Variants in GPM6A observed in about 807,000 individuals in gnomAD.
GPM6A encodes the protein glycoprotein M6A.
In GPM6A, 7 loss-of-function variants were observed where a neutral mutation model predicts 32.1. The observed-to-expected ratio is 0.22, with a 90% CI of 0.12 to 0.41. GPM6A has a LOEUF of 0.41. GPM6A is among the 10% of genes least tolerant of loss of function. The pLI is 1.00. For synonymous variants in GPM6A, 130 were observed against 123.4 expected (o/e 1.05, Z -0.35); for missense variants, 235 against 347.2 (o/e 0.68, Z 2.57).
chr4:175,966,769 G>A (rs952590992), intron 1 of GPM6A, among the ~76,000 whole-genome samples: 10 of 152,030 alleles, frequency 6.6e-5, no homozygotes, highest in African/African-American at 2.4e-4. Flanking sequence ...TTGTGTAGTA[G>A]CCTGAACTGA....
At chr4:175,974,700 T>G (rs1334663606) in intron 1 of GPM6A, among the ~76,000 whole-genome samples, 1 of 151,410 alleles carries the variant, frequency 6.6e-6, no homozygotes, top group African/African-American at 2.4e-5. Context: ...ATTTTATTTT[T>G]GAGACAGGAT....
intron 1 of GPM6A, among the ~76,000 whole-genome samples, chr4:175,947,136 T>C (rs1316086834): frequency 6.6e-6 from 1 of 152,102 alleles, no homozygotes; most frequent in Admixed American, 6.5e-5. Context: ...CTTTCTAATT[T>C]TCAGAAACTG....
chr4:175,829,559 G>A (rs60456898), intron 1 of GPM6A, among the ~76,000 whole-genome samples: 9,575 of 150,484 alleles, frequency 0.064, 988 homozygotes, highest in African/African-American at 0.22. Context: ...AGAGCTGTCC[G>A]CTGGGGGTTT....
At chr4:175,834,407 G>A (rs953040665) in intron 1 of GPM6A, among the ~76,000 whole-genome samples, 1 of 152,250 alleles carries the variant, frequency 6.6e-6, no homozygotes, top group South Asian at 2.1e-4. Flanking sequence ...GTGAAAAAGA[G>A]TGCAGAATTT....
At chr4:175,659,853 A>C (rs1377147329) in intron 3 of GPM6A, among the ~76,000 whole-genome samples, 1 of 152,210 alleles carries the variant, frequency 6.6e-6, no homozygotes, top group Non-Finnish European at 1.5e-5. Context: ...AATAGTGTGA[A>C]TGTAAGGTTT....
At chr4:175,878,651 C>T (rs752325623) in intron 1 of GPM6A, among the ~76,000 whole-genome samples, 51 of 152,008 alleles carry the variant, frequency 3.4e-4, no homozygotes, top group Non-Finnish European at 4.3e-4. Context: ...CCTCATAGGC[C>T]TCTGGGCCTA....
chr4:175,705,218 C>T (rs902290059), intron 1 of GPM6A, among the ~76,000 whole-genome samples: 5 of 152,288 alleles, frequency 3.3e-5, no homozygotes, highest in African/African-American at 7.2e-5. Flanking sequence ...TCTGAGATAA[C>T]GTGCATTTCC....
intron 1 of GPM6A, among the ~76,000 whole-genome samples, chr4:175,938,068 AT>A (rs1240553367): frequency 6.6e-6 from 1 of 152,130 alleles, no homozygotes; most frequent in East Asian, 1.9e-4. Flanking sequence ...CACTCTCAAT[AT>A]TTTTTAGATA....
intron 1 of GPM6A, among the ~76,000 whole-genome samples, chr4:175,793,357 T>G (rs544492690): frequency 2.3e-3 from 234 of 101,548 alleles, no homozygotes; most frequent in African/African-American, 8.7e-3. Flanking sequence ...ATGTATTCTA[T>G]TCTATTCTAT....
At chr4:175,875,469 T>G (rs533912539) in intron 1 of GPM6A, among the ~76,000 whole-genome samples, 30 of 152,326 alleles carry the variant, frequency 2.0e-4, no homozygotes, top group African/African-American at 7.2e-4. Flanking sequence ...TTTGAGGTGA[T>G]AAAGAATCAC....
intron 1 of GPM6A, among the ~76,000 whole-genome samples, chr4:175,887,076 G>T (rs1042508502): frequency 6.6e-6 from 1 of 151,826 alleles, no homozygotes; most frequent in Non-Finnish European, 1.5e-5. Context: ...AAGACAAAAA[G>T]TTTATCCAAT....
At chr4:175,811,415 A>G (rs1734914257) in intron 1 of GPM6A, among the ~76,000 whole-genome samples, 1 of 152,180 alleles carries the variant, frequency 6.6e-6, no homozygotes, top group Non-Finnish European at 1.5e-5. Context: ...CTCTGAAGCT[A>G]CCATTTGACA....
chr4:175,853,707 C>A (rs967671902), intron 1 of GPM6A, among the ~76,000 whole-genome samples: 2 of 152,058 alleles, frequency 1.3e-5, no homozygotes, highest in African/African-American at 4.8e-5. Context: ...AGAGTTGTGG[C>A]AACTTGAGAA....
chr4:175,989,315 C>CAT (rs1741069040), intron 1 of GPM6A, among the ~76,000 whole-genome samples: 1 of 151,990 alleles, frequency 6.6e-6, no homozygotes, highest in African/African-American at 2.4e-5. Context: ...GGATAATAGC[C>CAT]TCTTTAAACA....
At chr4:175,838,112 G>GAC (rs10548625) in intron 1 of GPM6A, among the ~76,000 whole-genome samples, 2,436 of 141,950 alleles carry the variant, frequency 0.017, 78 homozygotes, top group East Asian at 0.094. Context: ...CACACACACA[G>GAC]ACACACACAC....
chr4:175,927,967 G>A (rs1738902248), intron 1 of GPM6A, among the ~76,000 whole-genome samples: 1 of 151,804 alleles, frequency 6.6e-6, no homozygotes, highest in South Asian at 2.1e-4. Flanking sequence ...TTTTCTAAAT[G>A]TTAAAGACTC....
At chr4:175,892,462 C>T (rs1737677240) in intron 1 of GPM6A, among the ~76,000 whole-genome samples, 1 of 152,190 alleles carries the variant, frequency 6.6e-6, no homozygotes, top group Admixed American at 6.5e-5. Context: ...GCAGCCCCAA[C>T]TGGAGTAATG....
chr4:175,824,029 G>A (rs1735356754), intron 1 of GPM6A, among the ~76,000 whole-genome samples: 2 of 152,176 alleles, frequency 1.3e-5, no homozygotes, highest in East Asian at 3.8e-4. Context: ...GAGTTTGTCA[G>A]TTCTGAGCAA....
chr4:175,946,727 G>A (rs1305663541), intron 1 of GPM6A, among the ~76,000 whole-genome samples: 1 of 152,176 alleles, frequency 6.6e-6, no homozygotes, highest in East Asian at 1.9e-4. Context: ...GACGATGCCA[G>A]GCTACAGAGG....
Sources: gnomAD v4.1 joint callset for allele counts (sites outside exome capture counted in the v4.1 genomes callset) on GRCh38, gnomAD v4.1.1 for gene constraint, MANE v1.5 for transcripts, NCBI Gene and HGNC (gene_info 2026-07-23, HGNC 2026-07-21) for gene names.